Variants in SMR3A observed in about 807,000 individuals in gnomAD.
SMR3A encodes the protein submaxillary gland androgen-regulated protein 3A.
For missense variants in SMR3A, 188 were observed against 163.0 expected, an observed-to-expected ratio of 1.15 and a Z score of -0.84; for synonymous variants, 48 against 57.4, an observed-to-expected ratio of 0.84 and a Z score of 0.74.
At chr4:70,363,986 C>G (rs1732203686) in intron 2 of SMR3A, among the ~76,000 whole-genome samples, 2 of 151,974 alleles carry the variant, frequency 1.3e-5, no homozygotes, top group Non-Finnish European at 1.5e-5. Flanking sequence ...CAAGGCTGGT[C>G]CCACAGAAGT....
At chr4:70,366,188 C>T (rs1461973053) in intron 2 of SMR3A, among the ~76,000 whole-genome samples, 1 of 151,948 alleles carries the variant, frequency 6.6e-6, no homozygotes, top group Non-Finnish European at 1.5e-5. Context: ...CTTCTCTGCT[C>T]AGAGTCTCAC....
Position 70,366,786 on chromosome 4 carries a change from C to T in SMR3A, c.197C>T (p.Pro66Leu), listed in dbSNP as rs200122948. 4.4e-5 allele frequency: 71 copies of T among 1,613,444 alleles called. No homozygotes were observed. In the Admixed American group the frequency reaches 1.1e-3, roughly 24 times the overall value. ...PPYGPGRFPP[P>L]LSPPYGPGRI... ...TATGGTCCAGGGAGATTTCCACCAC[C>T]CCTTTCTCCACCCTATGGTCCAGGG... The change falls in exon 3 of 3, where the codon CCC (proline) becomes CTC (leucine). Residue 66 changes from proline (P) to leucine (L), a missense_variant. Coordinates refer to ENST00000226460, the MANE Select transcript of SMR3A (RefSeq NM_012390.4).
intron 1 of SMR3A, 118 bp from the exon 2 acceptor site, chr4:70,361,984 T>C (rs1732155146): frequency 6.8e-7 from 1 of 1,463,194 alleles, no homozygotes. Context: ...TAGGCAAATT[T>C]CCTAAAAAGG....
At position 70,362,086 on chromosome 4, in the gene SMR3A, T is replaced by C. The variant is rs538829023; in HGVS notation, c.-14-16T>C. 2.5e-6 allele frequency: 4 copies of C among 1,611,120 alleles called. No individual in the cohort carries two copies. The African/African-American group carries it at 5.3e-5, about 22-fold the overall frequency. On this transcript the variant is annotated splice_polypyrimidine_tract_variant and intron_variant, in intron 1 of 2. Transcript: ENST00000226460. ...AAAAAACAATCATACTGATCACCTA[T>C]TGTGCTTACTTTCAGAGGCAACTGA...
At chr4:70,365,078 A>G (rs1387974151) in intron 2 of SMR3A, among the ~76,000 whole-genome samples, 1 of 151,902 alleles carries the variant, frequency 6.6e-6, no homozygotes. Flanking sequence ...ACCCCAGAGC[A>G]TTTGCATATT....
intron 1 of SMR3A, among the ~76,000 whole-genome samples, chr4:70,361,865 C>G (rs1732153185): frequency 2.0e-5 from 3 of 151,822 alleles, no homozygotes; most frequent in African/African-American, 4.8e-5. Context: ...GGCATTATCT[C>G]CAGTATCAGT....
At chr4:70,365,800 CAATT>C (rs1732248179) in intron 2 of SMR3A, among the ~76,000 whole-genome samples, 1 of 152,010 alleles carries the variant, frequency 6.6e-6, no homozygotes. Flanking sequence ...ATGTGTTTCA[CAATT>C]AATTAATGTT....
intron 2 of SMR3A, among the ~76,000 whole-genome samples, chr4:70,364,312 C>T (rs368078306): frequency 1.8e-4 from 27 of 151,874 alleles, no homozygotes; most frequent in East Asian, 1.8e-3. Context: ...GTCAAATCAA[C>T]GGGCCCTACA....
chr4:70,361,245 C>A (rs17148794), intron 1 of SMR3A, among the ~76,000 whole-genome samples: 24,666 of 151,832 alleles, frequency 0.16, 2,883 homozygotes, highest in African/African-American at 0.33. Context: ...TAGCCACACC[C>A]ACATACAATT....
intron 2 of SMR3A, among the ~76,000 whole-genome samples, chr4:70,363,460 T>C (rs1732191513): frequency 1.3e-5 from 2 of 152,010 alleles, no homozygotes; most frequent in Admixed American, 6.6e-5. Flanking sequence ...ATCTCTTCTT[T>C]AATCCTCAAA....
At chr4:70,361,864 T>A (rs1577868938) in intron 1 of SMR3A, among the ~76,000 whole-genome samples, 1 of 151,904 alleles carries the variant, frequency 6.6e-6, no homozygotes, top group African/African-American at 2.4e-5. Flanking sequence ...TGGCATTATC[T>A]CCAGTATCAG....
At chr4:70,363,763 T>C (rs1732198463) in intron 2 of SMR3A, among the ~76,000 whole-genome samples, 1 of 152,054 alleles carries the variant, frequency 6.6e-6, no homozygotes, top group South Asian at 2.1e-4. Context: ...AACATCGGTA[T>C]ATCTTTAGGA....
rs377303942 is a variant in SMR3A at position 70,366,663 on chromosome 4, G to A, written c.74G>A (p.Gly25Asp). 15 of 1,609,598 alleles carry A rather than the reference G, an allele frequency of 9.3e-6. No homozygotes were observed. The highest frequency in any genetic ancestry group is 1.1e-5 in the Non-Finnish European group (13 of 1,177,598). Residue 25 changes from glycine to aspartate, a missense_variant, in exon 3 of 3, where the codon GGC becomes GAC. By Grantham distance (94) the Gly-to-Asp change is moderately conservative. Transcript: ENST00000226460. ...CCACAGCCTGGTGAGAGTCAAAGAGGCCCCAGGGGACCATATCCACCTGGA... is the reference window on the plus strand; with the variant it reads ...CCACAGCCTGGTGAGAGTCAAAGAGACCCCAGGGGACCATATCCACCTGGA... The part of the protein sequence containing the change: ...ACFTPGESQR[G>D]PRGPYPPGPL...
intron 2 of SMR3A, among the ~76,000 whole-genome samples, chr4:70,364,988 T>C (rs1170336657): frequency 6.6e-6 from 1 of 151,998 alleles, no homozygotes; most frequent in Non-Finnish European, 1.5e-5. Context: ...AAGAAGTGAA[T>C]GTAGTTTTGT....
chr4:70,363,172 AC>A (rs1403797579), intron 2 of SMR3A, among the ~76,000 whole-genome samples: 1 of 152,006 alleles, frequency 6.6e-6, no homozygotes, highest in Non-Finnish European at 1.5e-5. Context: ...CAAGAGAAAA[AC>A]ATTTTATTCA....
intron 2 of SMR3A, among the ~76,000 whole-genome samples, 172 bp from the exon 3 acceptor site, chr4:70,366,472 T>C (rs1732263515): frequency 6.6e-6 from 1 of 152,046 alleles, no homozygotes; most frequent in African/African-American, 2.4e-5. Flanking sequence ...CCTTCTCACA[T>C]TGTAGAACCT....
intron 2 of SMR3A, among the ~76,000 whole-genome samples, chr4:70,364,554 C>A (rs755817147): frequency 1.6e-4 from 24 of 151,710 alleles, no homozygotes; most frequent in Non-Finnish European, 3.1e-4. Context: ...CCTCAGAAAA[C>A]AATTATAAAG....
At chr4:70,364,774 A>G (rs17717573) in intron 2 of SMR3A, among the ~76,000 whole-genome samples, 40,840 of 151,740 alleles carry the variant, frequency 0.27, 5,695 homozygotes, top group South Asian at 0.42. Flanking sequence ...GGGAAGAGAT[A>G]ATCTAAGGTA....
chr4:70,364,061 C>A (rs912763634), intron 2 of SMR3A, among the ~76,000 whole-genome samples: 1 of 151,914 alleles, frequency 6.6e-6, no homozygotes, highest in Non-Finnish European at 1.5e-5. Context: ...ATGTTAAGGG[C>A]AAAAGCCAGG....
Sources: allele counts gnomAD v4.1 joint callset (sites outside exome capture counted in the v4.1 genomes callset), GRCh38; gene constraint gnomAD v4.1.1; transcripts MANE v1.5; gene names NCBI Gene and HGNC (gene_info 2026-07-23, HGNC 2026-07-21).